Variants in ACSM2B observed in about 807,000 individuals in gnomAD.
The protein encoded by ACSM2B is acyl-CoA synthetase medium chain family member 2B.
A neutral mutation model predicts 78.6 loss-of-function variants in ACSM2B; 58 were observed. The ratio of observed to expected loss-of-function variants is 0.74; its 90% CI spans 0.60 to 0.92. The LOEUF (loss-of-function observed/expected upper bound fraction) is 0.92, where lower values mean the gene tolerates loss of function less well. Among genes scored for constraint, ACSM2B ranks in the 40% least tolerant of loss-of-function variants. ACSM2B has a pLI of 0.00. For synonymous variants in ACSM2B, 257 were observed against 256.8 expected (o/e 1.00, Z -0.01); for missense variants, 688 against 711.2 (o/e 0.97, Z 0.37).
In ACSM2B at chr16:20,537,170, A is replaced by C; in HGVS notation, c.*88T>G. On this transcript the variant is annotated 3_prime_UTR_variant, in exon 14 of 14. Transcript: ENST00000329697. ...TTACATTCATGTTCTTTCATAAAGA[A>C]TCTCATATCATCATAGTAAGGCCAA... The C allele has an allele frequency of 2.9e-6, 4 of 1,402,762 alleles. No homozygotes were observed. The highest frequency in any genetic ancestry group is 3.0e-6 in the Non-Finnish European group (3 of 1,004,536). The allele number at this position is 1,402,762 out of a possible 1,614,324, so 86.9% of individuals were successfully genotyped here.
At position 20,569,499 on chromosome 16, in the gene ACSM2B, G is replaced by A. The variant is rs564882916; in HGVS notation, c.-8-4646C>T. On this transcript the variant is annotated intron_variant, in intron 1 of 13. Coordinates refer to ENST00000329697, the MANE Select transcript of ACSM2B (RefSeq NM_001105069.2). ...GCCTTATAGTACATTTTGAAATCAGGTAATGTGATGCCTCCAGATTTGTTC... is the reference window on the plus strand; with the variant it reads ...GCCTTATAGTACATTTTGAAATCAGATAATGTGATGCCTCCAGATTTGTTC... 4.1e-4 allele frequency among the ~76,000 whole-genome samples: 62 copies of A among 152,056 alleles called. 1 individual carries two copies. In the South Asian group the frequency reaches 0.013, roughly 31 times the overall value.
chr16:20,558,256 T>G (rs1477939233), intron 3 of ACSM2B, among the ~76,000 whole-genome samples: 1 of 151,872 alleles, frequency 6.6e-6, no homozygotes, highest in African/African-American at 2.4e-5. Flanking sequence ...ACCAGTTCTG[T>G]GATCTCTGAG....
intron 3 of ACSM2B, 135 bp from the exon 4 acceptor site, chr16:20,555,611 T>A: frequency 2.0e-6 from 3 of 1,473,524 alleles, no homozygotes; most frequent in Admixed American, 2.6e-5. Flanking sequence ...AGAACGTCAA[T>A]AAAAAAGGGG....
chr16:20,551,937 C>T (rs2015321418), intron 6 of ACSM2B, among the ~76,000 whole-genome samples: 4 of 152,104 alleles, frequency 2.6e-5, no homozygotes, highest in Admixed American at 2.6e-4. Context: ...GAACATACTC[C>T]TTTTATCTAT....
At chr16:20,566,255 A>G (rs1318674268) in intron 1 of ACSM2B, among the ~76,000 whole-genome samples, 2 of 78,070 alleles carry the variant, frequency 2.6e-5, no homozygotes, top group South Asian at 9.6e-4. Context: ...GATTATATAT[A>G]TATATATATA....
At chr16:20,556,556 C>T (rs1437954798) in intron 3 of ACSM2B, among the ~76,000 whole-genome samples, 1 of 152,116 alleles carries the variant, frequency 6.6e-6, no homozygotes, top group Non-Finnish European at 1.5e-5. Flanking sequence ...GAGCCAAAAT[C>T]GCACCACTGC....
intron 12 of ACSM2B, chr16:20,541,366 C>T (rs1167195832): frequency 6.6e-6 from 1 of 152,260 alleles, no homozygotes; most frequent in African/African-American, 2.4e-5. Flanking sequence ...CCACACATCC[C>T]ACCTTAATAT....
intron 1 of ACSM2B, among the ~76,000 whole-genome samples, chr16:20,570,464 A>G (rs536232507): frequency 1.1e-3 from 160 of 152,082 alleles, no homozygotes; most frequent in Non-Finnish European, 1.7e-3. Context: ...TCAGTTAGCT[A>G]GCAGCTAATT....
intron 1 of ACSM2B, among the ~76,000 whole-genome samples, chr16:20,568,162 C>T (rs1039193370): frequency 4.0e-4 from 56 of 141,676 alleles, no homozygotes; most frequent in African/African-American, 1.4e-3. Context: ...AGGAAAGGCA[C>T]AGGAGTGTGG....
chr16:20,548,054 A>G lies in ACSM2B; in HGVS notation c.1098+8T>C, dbSNP rs774257829. On this transcript the variant is annotated splice_region_variant and intron_variant, in intron 8 of 13. Transcript: ENST00000329697. ...CACACAGCCCATGGTTCCCCTGGGA[A>G]CAGGTACCGTTTCTGTCTGGCCATA... 6.2e-6 allele frequency: 10 copies of G among 1,613,848 alleles called. No individual in the cohort carries two copies. The Admixed American group carries it at 8.3e-5, about 13-fold the overall frequency.
intron 5 of ACSM2B, among the ~76,000 whole-genome samples, chr16:20,552,709 T>C (rs1172978867): frequency 6.6e-6 from 1 of 152,226 alleles, no homozygotes; most frequent in Non-Finnish European, 1.5e-5. Flanking sequence ...TTTGCTTCTC[T>C]TTTCTTTAAG....
At chr16:20,572,961 C>A (rs1355241669) in intron 1 of ACSM2B, among the ~76,000 whole-genome samples, 2 of 145,470 alleles carry the variant, frequency 1.4e-5, no homozygotes. Context: ...AGATTTCTCC[C>A]CTCATAACTT....
intron 1 of ACSM2B, among the ~76,000 whole-genome samples, chr16:20,566,610 C>CATATAGTAT (rs2015855421): frequency 1.6e-5 from 1 of 63,066 alleles, no homozygotes; most frequent in African/African-American, 7.1e-5. Flanking sequence ...TATATATCTA[C>CATATAGTAT]ATATAGTATA....
chr16:20,553,151 A>G (rs1196262682), intron 5 of ACSM2B, among the ~76,000 whole-genome samples: 1 of 151,996 alleles, frequency 6.6e-6, no homozygotes, highest in African/African-American at 2.4e-5. Context: ...TACATTTTCC[A>G]TTTTTTGCAT....
intron 3 of ACSM2B, among the ~76,000 whole-genome samples, chr16:20,556,704 G>C (rs531287842): frequency 6.6e-6 from 1 of 152,164 alleles, no homozygotes; most frequent in African/African-American, 2.4e-5. Flanking sequence ...TTTAACCTTA[G>C]CTCACTTTCT....
intron 5 of ACSM2B, 127 bp downstream of exon 5, chr16:20,553,650 T>A: frequency 2.1e-6 from 3 of 1,438,454 alleles, no homozygotes; most frequent in Non-Finnish European, 2.8e-6. Flanking sequence ...CTCTTTAGCT[T>A]TCCTTCTGAA....
chr16:20,567,134 A>G (rs2015922172), intron 1 of ACSM2B, among the ~76,000 whole-genome samples: 2 of 135,558 alleles, frequency 1.5e-5, no homozygotes, highest in South Asian at 2.1e-4. Flanking sequence ...ATATAGATAT[A>G]GATATAATAT....
At chr16:20,567,156 A>G (rs969560488) in intron 1 of ACSM2B, among the ~76,000 whole-genome samples, 1 of 134,820 alleles carries the variant, frequency 7.4e-6, no homozygotes, top group African/African-American at 2.7e-5. Context: ...TAGTATAATA[A>G]GATTATATAT....
intron 5 of ACSM2B, among the ~76,000 whole-genome samples, chr16:20,552,799 G>C (rs1178023822): frequency 1.3e-5 from 2 of 152,132 alleles, no homozygotes; most frequent in Non-Finnish European, 2.9e-5. Context: ...AGAATAAAAG[G>C]TTTAGGACTT....
Sources: gnomAD v4.1 joint callset for allele counts (sites outside exome capture counted in the v4.1 genomes callset) on GRCh38, gnomAD v4.1.1 for gene constraint, MANE v1.5 for transcripts, NCBI Gene and HGNC (gene_info 2026-07-23, HGNC 2026-07-21) for gene names.